Variants in TBCEL observed in about 807,000 individuals in gnomAD.
TBCEL encodes the protein tubulin folding cofactor E like.
TBCEL carries 15 observed loss-of-function variants against 44.2 expected under a neutral mutation model. That is an observed-to-expected ratio of 0.34 (90% CI 0.23 to 0.52). The LOEUF is 0.52. Ranked by LOEUF, TBCEL falls within the 20% of genes least tolerant of loss-of-function variation. TBCEL has a pLI of 0.95. For synonymous variants in TBCEL, 171 were observed against 185.4 expected (o/e 0.92, Z 0.63); for missense variants, 319 against 506.3 (o/e 0.63, Z 3.55).
chr11:121,074,390 T>C (rs1203433265), intron 8 of TBCEL, among the ~76,000 whole-genome samples: 1 of 152,042 alleles, frequency 6.6e-6, no homozygotes, highest in East Asian at 1.9e-4. Flanking sequence ...AACAATACAT[T>C]CTGTACTCTA....
chr11:121,038,285 C>T (rs1041562574), intron 2 of TBCEL, among the ~76,000 whole-genome samples: 1 of 152,036 alleles, frequency 6.6e-6, no homozygotes, highest in Non-Finnish European at 1.5e-5. Flanking sequence ...TTTTTAAAAG[C>T]AAATATTTAG....
At chr11:121,036,938 G>T (rs1254472353) in intron 2 of TBCEL, among the ~76,000 whole-genome samples, 9 of 152,170 alleles carry the variant, frequency 5.9e-5, no homozygotes, top group Non-Finnish European at 8.8e-5. Flanking sequence ...ATGAAATAAA[G>T]AATTTTTGAT....
In TBCEL at chr11:121,090,291, T is replaced by TG. The variant is rs1272866316; in HGVS notation, c.*3196dup. 6.6e-6 allele frequency: 1 copy of TG among 152,190 alleles called. No individual in the cohort carries two copies. The highest frequency in any genetic ancestry group is 1.5e-5 in the Non-Finnish European group (1 of 68,020). The allele number at this position is 152,190 out of a possible 1,614,324, so 9.4% of individuals were successfully genotyped here. On this transcript the variant is annotated 3_prime_UTR_variant, in exon 9 of 9. Transcript: ENST00000683345. ...AGCAGTGGTAGGAGCAGAGAGCACTTGCACTAAGAGCTGATCACCATTTGA... is the reference window on the plus strand; with the variant it reads ...AGCAGTGGTAGGAGCAGAGAGCACTTGGCACTAAGAGCTGATCACCATTTGA...
At chr11:121,080,649 TTAA>T (rs1345006978) in intron 8 of TBCEL, among the ~76,000 whole-genome samples, 14 of 152,274 alleles carry the variant, frequency 9.2e-5, no homozygotes, top group Non-Finnish European at 1.8e-4. Flanking sequence ...TGAGAAAAAA[TTAA>T]TGTTTGTTTT....
chr11:121,024,932 C>G (rs1009661258), intron 1 of TBCEL, among the ~76,000 whole-genome samples: 1 of 152,016 alleles, frequency 6.6e-6, no homozygotes, highest in African/African-American at 2.4e-5. Context: ...CAGGCGGGTG[C>G]CTTGTCGTGG....
At chr11:121,068,287 G>T (rs1023449748) in intron 8 of TBCEL, among the ~76,000 whole-genome samples, 1 of 151,876 alleles carries the variant, frequency 6.6e-6, no homozygotes, top group East Asian at 1.9e-4. Context: ...CTACTGCTCT[G>T]CCAGTTTTTC....
chr11:121,057,454 A>G (rs763004890), intron 6 of TBCEL: 20 of 301,170 alleles, frequency 6.6e-5, no homozygotes, highest in Non-Finnish European at 1.0e-4. Flanking sequence ...TTTGTTACAT[A>G]TTCTCCTTAC....
intron 8 of TBCEL, among the ~76,000 whole-genome samples, chr11:121,085,736 G>A (rs995767959): frequency 1.3e-5 from 2 of 151,912 alleles, no homozygotes; most frequent in Non-Finnish European, 2.9e-5. Context: ...ACACTCCTGG[G>A]CTCAAGTGAT....
At chr11:121,078,924 A>G (rs928163414) in intron 8 of TBCEL, among the ~76,000 whole-genome samples, 1 of 152,234 alleles carries the variant, frequency 6.6e-6, no homozygotes, top group Non-Finnish European at 1.5e-5. Flanking sequence ...GCAAAAGTGC[A>G]TCATGTTGAT....
chr11:121,080,685 AC>A (rs781188959), intron 8 of TBCEL, among the ~76,000 whole-genome samples: 44 of 152,262 alleles, frequency 2.9e-4, no homozygotes, highest in Non-Finnish European at 5.6e-4. Flanking sequence ...AAATAGAAAC[AC>A]AGACTAAGAC....
intron 2 of TBCEL, among the ~76,000 whole-genome samples, chr11:121,039,260 C>G (rs932925501): frequency 6.6e-6 from 1 of 152,220 alleles, no homozygotes; most frequent in African/African-American, 2.4e-5. Context: ...CCTGGAATGC[C>G]ATTCCCCACC....
Position 121,090,039 on chromosome 11 carries a change from T to A in TBCEL, c.*2943T>A, listed in dbSNP as rs534846428. On this transcript the variant is annotated 3_prime_UTR_variant, in exon 9 of 9. Coordinates refer to ENST00000683345, the MANE Select transcript of TBCEL (RefSeq NM_001363644.2). ...CCAGAGTCACATATCTTTTTTATTATCAAGTTTTTGCAGCCTTTTGCCAGC... is the reference window on the plus strand; with the variant it reads ...CCAGAGTCACATATCTTTTTTATTAACAAGTTTTTGCAGCCTTTTGCCAGC... 2 of 152,192 alleles carry A rather than the reference T, an allele frequency of 1.3e-5. No homozygotes were observed. Among genetic ancestry groups the A allele is most frequent in the Non-Finnish European group, 2.9e-5 (2 of 68,026 alleles). The allele number at this position is 152,192 out of a possible 1,614,324, so 9.4% of individuals were successfully genotyped here.
chr11:121,072,013 G>C (rs530789141), intron 8 of TBCEL, among the ~76,000 whole-genome samples: 1 of 152,116 alleles, frequency 6.6e-6, no homozygotes, highest in Non-Finnish European at 1.5e-5. Context: ...ACATTCAGCC[G>C]TGAGTCTGAG....
At chr11:121,041,374 T>C (rs1341686833) in intron 2 of TBCEL, among the ~76,000 whole-genome samples, 1 of 152,206 alleles carries the variant, frequency 6.6e-6, no homozygotes, top group South Asian at 2.1e-4. Context: ...TATATTATTC[T>C]GACTTTTTCC....
At chr11:121,063,949 A>G (rs1945770991) in intron 8 of TBCEL, among the ~76,000 whole-genome samples, 7 of 152,164 alleles carry the variant, frequency 4.6e-5, no homozygotes, top group Admixed American at 4.6e-4. Flanking sequence ...CCACACTCGT[A>G]TATTACCCCT....
chr11:121,056,802 G>T (rs1209473877), intron 6 of TBCEL, among the ~76,000 whole-genome samples: 2 of 151,816 alleles, frequency 1.3e-5, no homozygotes, highest in Non-Finnish European at 2.9e-5. Flanking sequence ...GTTCAGGTCT[G>T]TGGCCCATTT....
At chr11:121,057,559 T>C (rs1945643799) in intron 6 of TBCEL, 1 of 453,886 alleles carries the variant, frequency 2.2e-6, no homozygotes, top group East Asian at 7.0e-5. Context: ...TCCATATTCA[T>C]GGACTTCATC....
rs7120785 is a variant in TBCEL, at chr11:121,029,042, T to G, written c.-126+4751T>G. Among the ~76,000 whole-genome samples, 502 of 152,292 alleles carry G rather than the reference T, an allele frequency of 3.3e-3. 3 individuals are homozygous for G. The highest frequency in any genetic ancestry group is 0.012 in the African/African-American group (482 of 41,570). On this transcript the variant is annotated intron_variant, in intron 1 of 8. Coordinates refer to ENST00000683345, the MANE Select transcript of TBCEL (RefSeq NM_001363644.2). ...ACTCTATACTCTACACCAACTACACTACATTTCTCACTTTATTTTGCATTT... is the reference window on the plus strand; with the variant it reads ...ACTCTATACTCTACACCAACTACACGACATTTCTCACTTTATTTTGCATTT...
intron 8 of TBCEL, among the ~76,000 whole-genome samples, chr11:121,069,142 C>T (rs1197797846): frequency 6.6e-6 from 1 of 152,148 alleles, no homozygotes; most frequent in South Asian, 2.1e-4. Context: ...CTTATCAACA[C>T]CTGAGTTACA....
Sources: allele counts gnomAD v4.1 joint callset (sites outside exome capture counted in the v4.1 genomes callset), GRCh38; gene constraint gnomAD v4.1.1; transcripts MANE v1.5; gene names NCBI Gene and HGNC (gene_info 2026-07-23, HGNC 2026-07-21).